The following GLUD1 variants were observed in gnomAD, a reference collection of about 807,000 sequenced individuals.
The protein encoded by GLUD1 is glutamate dehydrogenase 1, mitochondrial.
Under a neutral mutation model 56.0 loss-of-function variants are expected in GLUD1, and 22 were observed. That is an observed-to-expected ratio of 0.39 (90% confidence interval 0.28 to 0.56). The LOEUF is 0.56. Among genes scored for constraint, GLUD1 ranks in the 20% least tolerant of loss-of-function variants. The probability of loss-of-function intolerance (pLI) is 0.58; values close to 1 mark genes in which losing one functional copy is unlikely to be tolerated. For synonymous variants in GLUD1, 223 were observed against 269.9 expected (o/e 0.83, Z 1.70); for missense variants, 451 against 732.0 (o/e 0.62, Z 4.43).
At chr10:87,053,304 G>C (rs200989814) in intron 12 of GLUD1, 38 bp downstream of exon 12, 1 of 1,436,940 alleles carries the variant, frequency 7.0e-7, no homozygotes, top group African/African-American at 1.4e-5. Context: ...TGCACTTCAT[G>C]TGACTAGCTG....
chr10:87,089,085 T>C (rs1023979170), intron 1 of GLUD1, among the ~76,000 whole-genome samples: 15 of 152,222 alleles, frequency 9.9e-5, no homozygotes, highest in African/African-American at 3.6e-4. Flanking sequence ...CAAAGCTGTT[T>C]GAATATGTAT....
intron 5 of GLUD1, 103 bp downstream of exon 5, chr10:87,067,960 A>C: frequency 1.4e-6 from 1 of 726,104 alleles, no homozygotes; most frequent in Non-Finnish European, 2.5e-6. Flanking sequence ...TGATTGAATG[A>C]GAGAAAAACC....
At chr10:87,072,770 A>G (rs1846273800) in intron 4 of GLUD1, among the ~76,000 whole-genome samples, 1 of 152,260 alleles carries the variant, frequency 6.6e-6, no homozygotes. Flanking sequence ...AAAGTCTGAA[A>G]CCATTCAAGA....
Position 87,089,148 on chromosome 10 carries a change from G to T in GLUD1, c.445+5177C>A, listed in dbSNP as rs1435913613. On this transcript the variant is annotated intron_variant, in intron 1 of 12. Transcript: ENST00000277865. ...ATAGCTTTTAACAGAAATTTCAAAG[G>T]TATCTATGATCCAAAGTATTAGGAA... Among the ~76,000 whole-genome samples, 5 of 152,136 alleles carry T rather than the reference G, an allele frequency of 3.3e-5. No homozygotes were observed. The East Asian group carries it at 5.8e-4, about 18-fold the overall frequency.
chr10:87,053,506 G>T (rs1589350036), intron 11 of GLUD1, 102 bp from the exon 12 acceptor site: 1 of 784,432 alleles, frequency 1.3e-6, no homozygotes. Context: ...CAACCAGACA[G>T]AATTTTTTGT....
At chr10:87,074,764 T>A (rs1846337802) in intron 3 of GLUD1, 150 bp from the exon 4 acceptor site, 1 of 631,890 alleles carries the variant, frequency 1.6e-6, no homozygotes. Flanking sequence ...CATTGCCATT[T>A]TAAAGGTGAC....
intron 12 of GLUD1, among the ~76,000 whole-genome samples, chr10:87,052,538 C>T (rs1286880661): frequency 3.3e-5 from 5 of 151,520 alleles, no homozygotes; most frequent in African/African-American, 4.9e-5. Flanking sequence ...GGCATGGTGG[C>T]TCATGCCTGT....
chr10:87,053,810 C>T (rs942833483), intron 11 of GLUD1, among the ~76,000 whole-genome samples: 38 of 152,274 alleles, frequency 2.5e-4, no homozygotes, highest in African/African-American at 8.9e-4. Context: ...AGGGACACCA[C>T]ACAGAACACA....
chr10:87,093,911 C>T, intron 1 of GLUD1: 2 of 1,329,178 alleles, frequency 1.5e-6, no homozygotes, highest in Non-Finnish European at 2.0e-6. Flanking sequence ...AATTTGACAG[C>T]TTGCATTTAG....
intron 3 of GLUD1, among the ~76,000 whole-genome samples, chr10:87,075,107 A>C (rs1208196959): frequency 6.6e-6 from 1 of 152,180 alleles, no homozygotes; most frequent in Non-Finnish European, 1.5e-5. Context: ...AGATCACAGT[A>C]ATACTTTTTT....
chr10:87,070,587 G>T (rs1192936759), intron 4 of GLUD1, among the ~76,000 whole-genome samples: 8 of 152,244 alleles, frequency 5.3e-5, no homozygotes, highest in Middle Eastern at 6.8e-3. Flanking sequence ...GACAGAGCGA[G>T]ACTCTGTCTC....
rs73337652 is a variant in GLUD1, at chr10:87,067,006, C to G, written c.741+1057G>C. ...TATCCAATCCAGTTTTGCTGAGTCTCTCTGTCATGTGCCTCACATGTGCAA... is the reference window on the plus strand; with the variant it reads ...TATCCAATCCAGTTTTGCTGAGTCTGTCTGTCATGTGCCTCACATGTGCAA... On this transcript the variant is annotated intron_variant, in intron 5 of 12. Coordinates refer to ENST00000277865, the MANE Select transcript of GLUD1 (RefSeq NM_005271.5). Among the ~76,000 whole-genome samples the G allele has an allele frequency of 2.0e-3, 301 of 152,312 alleles. 2 individuals carry two copies. The highest frequency in any genetic ancestry group is 6.9e-3 in the African/African-American group (287 of 41,570).
chr10:87,094,137 G>T lies in GLUD1; in HGVS notation c.445+188C>A. On this transcript the variant is annotated intron_variant, in intron 1 of 12. Coordinates refer to ENST00000277865, the MANE Select transcript of GLUD1 (RefSeq NM_005271.5). This position sits in a 1 kb window ranked among gnomAD's most constrained non-coding sequence, Gnocchi z 6.6. ...GGAGGGGGCAGGCCAATCGCATGAT[G>T]ATTTTAAGGCGGAAAAATCACCATC... 6.9e-7 allele frequency: 1 copy of T among 1,449,140 alleles called. No homozygotes were observed. The highest frequency in any genetic ancestry group is 9.1e-7 in the Non-Finnish European group (1 of 1,094,898). The allele number at this position is 1,449,140 out of a possible 1,614,324, so 89.8% of individuals were successfully genotyped here. A position where few individuals can be genotyped will look rare whatever the true frequency, so the allele number is the denominator to read the frequency against.
chr10:87,082,898 T>C (rs558783179), intron 1 of GLUD1, among the ~76,000 whole-genome samples: 3 of 152,294 alleles, frequency 2.0e-5, no homozygotes, highest in East Asian at 3.9e-4. Context: ...ATCAAAAATA[T>C]ACTGTCACCT....
Position 87,085,157 on chromosome 10 carries a change from A to C in GLUD1, c.446-8501T>G, listed in dbSNP as rs150712559. 1.0e-3 allele frequency among the ~76,000 whole-genome samples: 155 copies of C among 152,270 alleles called. 3 individuals are homozygous for C. The East Asian group carries it at 0.024, about 23-fold the overall frequency. ...GTAGGAGTTCGAGACCAGCCTGGCC[A>C]ACATGATGAAACCCTGTCTCTACTA... On this transcript the variant is annotated intron_variant, in intron 1 of 12. Transcript: ENST00000277865.
chr10:87,075,857 T>C lies in GLUD1; in HGVS notation c.582+111A>G. ...TGAACCCGGGAGGCGGAGGTTGCAG[T>C]GAGCCAAGATTGCGCCATTGTACTC... is the stretch of plus-strand genomic sequence containing the variant. On this transcript the variant is annotated intron_variant, in intron 3 of 12. Transcript: ENST00000277865. 3.8e-6 allele frequency: 3 copies of C among 790,336 alleles called. No individual in the cohort carries two copies. In the Middle Eastern group the frequency reaches 6.7e-4, roughly 175 times the overall value. 49.0% of individuals were successfully genotyped at this position (790,336 alleles called of 1,614,324 possible).
intron 1 of GLUD1, among the ~76,000 whole-genome samples, chr10:87,080,045 C>G (rs1005808463): frequency 6.6e-6 from 1 of 151,700 alleles, no homozygotes; most frequent in Non-Finnish European, 1.5e-5. Context: ...CTGCCTGATT[C>G]TCCTGCCTCA....
chr10:87,081,106 G>C (rs1010008716), intron 1 of GLUD1, among the ~76,000 whole-genome samples: 1 of 148,810 alleles, frequency 6.7e-6, no homozygotes, highest in Non-Finnish European at 1.5e-5. Flanking sequence ...GCCTCTTCCG[G>C]GAGGTGAGGG....
At chr10:87,078,737 G>GA (rs1308461780) in intron 1 of GLUD1, among the ~76,000 whole-genome samples, 3 of 152,162 alleles carry the variant, frequency 2.0e-5, no homozygotes, top group Non-Finnish European at 4.4e-5. Context: ...ACAAAACTGG[G>GA]AATGGGGGTG....
Sources: allele counts gnomAD v4.1 joint callset (sites outside exome capture counted in the v4.1 genomes callset), GRCh38; gene constraint gnomAD v4.1.1; non-coding constraint Gnocchi (gnomAD v3.1); transcripts MANE v1.5; gene names NCBI Gene and HGNC (gene_info 2026-07-23, HGNC 2026-07-21).